Variants in MYOM1 observed in about 807,000 individuals in gnomAD.
MYOM1 encodes myomesin 1.
MYOM1 carries 164 observed loss-of-function variants against 205.3 expected under a neutral mutation model. That is an observed-to-expected ratio of 0.80 (90% CI 0.70 to 0.91). MYOM1 has a LOEUF of 0.91. MYOM1 is among the 40% of genes least tolerant of loss of function. The pLI is 0.00. For synonymous variants in MYOM1, 772 were observed against 789.4 expected, an observed-to-expected ratio of 0.98 and a Z score of 0.37; for missense variants, 2,011 against 2,127.3, an observed-to-expected ratio of 0.95 and a Z score of 1.08.
intron 9 of MYOM1, 65 bp downstream of exon 9, chr18:3,168,752 G>C (rs1443534105): frequency 6.0e-5 from 93 of 1,546,196 alleles, no homozygotes; most frequent in Non-Finnish European, 7.5e-5. Flanking sequence ...CCGATAAACA[G>C]ATCTGCAATC....
intron 33 of MYOM1, among the ~76,000 whole-genome samples, chr18:3,083,507 C>A (rs1441732810): frequency 7.0e-6 from 1 of 141,882 alleles, no homozygotes; most frequent in Non-Finnish European, 1.5e-5. Flanking sequence ...CGGCTCACTG[C>A]AACATCCGCC....
At chr18:3,175,102 C>T (rs553953700) in intron 6 of MYOM1, among the ~76,000 whole-genome samples, 1 of 152,270 alleles carries the variant, frequency 6.6e-6, no homozygotes, top group Non-Finnish European at 1.5e-5. Context: ...AAGGCAAACA[C>T]AGTTGCCCTT....
rs2079659880 is a variant in MYOM1, at chr18:3,119,891, T to G, written c.3096A>C (p.Glu1032Asp). ...PSAVSECFKC[E>D]EWTIAVPGPP... Reference sequence around the variant, plus strand: ...TACCTGGGACGGCGATGGTCCACTCTTCACATTTGAAGCATTCGCTTACTG... The same window carrying G: ...TACCTGGGACGGCGATGGTCCACTCGTCACATTTGAAGCATTCGCTTACTG... The change falls in exon 20 of 38, where the codon GAA (glutamate) becomes GAC (aspartate). Residue 1032 changes from glutamate (E) to aspartate (D), a missense_variant. By Grantham distance (45) the Glu-to-Asp change is conservative (BLOSUM62 2). Coordinates refer to ENST00000356443, the MANE Select transcript of MYOM1 (RefSeq NM_003803.4). 1 of 1,611,124 alleles carries G rather than the reference T, an allele frequency of 6.2e-7. No individual in the cohort carries two copies. Among genetic ancestry groups the G allele is most frequent in the African/African-American group, 1.3e-5 (1 of 74,890 alleles).
At chr18:3,157,194 G>A (rs2080312872) in intron 10 of MYOM1, among the ~76,000 whole-genome samples, 1 of 152,182 alleles carries the variant, frequency 6.6e-6, no homozygotes, top group Admixed American at 6.5e-5. Context: ...ACGATGGCAG[G>A]AATACGCTGT....
chr18:3,229,910 A>G, the MYOM1 span, among the ~76,000 whole-genome samples: 3 of 130,660 alleles, frequency 2.3e-5, no homozygotes, highest in Admixed American at 2.9e-4. Flanking sequence ...CAGGAGGCGG[A>G]GGTTGCAGTG....
At chr18:3,155,855 AAG>A in intron 10 of MYOM1, among the ~76,000 whole-genome samples, 1 of 152,358 alleles carries the variant, frequency 6.6e-6, no homozygotes, top group East Asian at 1.9e-4. Context: ...GTCCCTAGGC[AAG>A]ACACTACCAT....
At chr18:3,074,295 AGT>A (rs2078996185) in intron 36 of MYOM1, among the ~76,000 whole-genome samples, 1 of 152,136 alleles carries the variant, frequency 6.6e-6, no homozygotes, top group Non-Finnish European at 1.5e-5. Context: ...GGAGGGGGAA[AGT>A]GGAGAAGGGA....
rs1321152173 is a variant in MYOM1, at chr18:3,179,910, G to A, written c.930-3776C>T. ...GAAAAGCGCTGTGATACCAACGGCT[G>A]TGACATGTGCTGTTTGACCAAATGA... On this transcript the variant is annotated intron_variant, in intron 5 of 37. Coordinates refer to ENST00000356443, the MANE Select transcript of MYOM1 (RefSeq NM_003803.4). The surrounding 1 kb of genome is among the most constrained non-coding windows in gnomAD (Gnocchi z 4.4). Among the ~76,000 whole-genome samples, 2 of 152,196 alleles carry A rather than the reference G, an allele frequency of 1.3e-5. No homozygotes were observed. The highest frequency in any genetic ancestry group is 2.9e-5 in the Non-Finnish European group (2 of 68,038).
At chr18:3,242,655 C>T in the MYOM1 span, among the ~76,000 whole-genome samples, 12 of 152,166 alleles carry the variant, frequency 7.9e-5, no homozygotes, top group East Asian at 1.9e-4. Flanking sequence ...ATTACAGGCA[C>T]GCACCACCAC....
chr18:3,082,499 C>T (rs1229643976), intron 33 of MYOM1, among the ~76,000 whole-genome samples: 1 of 152,142 alleles, frequency 6.6e-6, no homozygotes, highest in Non-Finnish European at 1.5e-5. Flanking sequence ...CCCATATTGT[C>T]AATGCCACTG....
intron 3 of MYOM1, among the ~76,000 whole-genome samples, chr18:3,193,484 G>T (rs116165894): frequency 1.3e-5 from 2 of 151,724 alleles, no homozygotes; most frequent in Non-Finnish European, 2.9e-5. Flanking sequence ...TCCCATTCCA[G>T]CTAGTTTTAT....
intron 5 of MYOM1, among the ~76,000 whole-genome samples, chr18:3,186,868 A>C (rs11873629): frequency 0.027 from 4,096 of 149,504 alleles, 185 homozygotes; most frequent in African/African-American, 0.098. Context: ...GGAAGGAAGG[A>C]AGGGAGAGAG....
the MYOM1 span, among the ~76,000 whole-genome samples, chr18:3,241,017 A>C: frequency 1.3e-5 from 2 of 152,202 alleles, no homozygotes; most frequent in Non-Finnish European, 2.9e-5. Context: ...TCTAAGCAGC[A>C]AAGAATTTAG....
At chr18:3,206,875 G>T (rs367826664) in intron 2 of MYOM1, among the ~76,000 whole-genome samples, 2 of 152,058 alleles carry the variant, frequency 1.3e-5, no homozygotes, top group African/African-American at 2.4e-5. Context: ...GACAGGTAGC[G>T]TCATAATAAA....
At chr18:3,242,074 C>G in the MYOM1 span, among the ~76,000 whole-genome samples, 2 of 152,148 alleles carry the variant, frequency 1.3e-5, no homozygotes, top group Non-Finnish European at 2.9e-5. Flanking sequence ...AGGGACTTGC[C>G]TTGACTCAGA....
intron 22 of MYOM1, among the ~76,000 whole-genome samples, chr18:3,105,531 T>C (rs1172535588): frequency 6.6e-6 from 1 of 152,096 alleles, no homozygotes; most frequent in Admixed American, 6.6e-5. Context: ...AATGGCCAAA[T>C]TTGGTCCCAA....
chr18:3,153,619 C>G (rs2080251106), intron 11 of MYOM1, among the ~76,000 whole-genome samples: 1 of 152,156 alleles, frequency 6.6e-6, no homozygotes, highest in African/African-American at 2.4e-5. Flanking sequence ...CAATTCATCA[C>G]TACTAAATGA....
rs1054646546 is a variant in MYOM1, at chr18:3,090,566, A to C, written c.4009+92T>G. ...AGAAGTCAATTAAGAAAAAATTCCT[A>C]CTACCTTTCAAATAACAACTTTTGT... On this transcript the variant is annotated intron_variant, in intron 27 of 37. Transcript: ENST00000356443. 3 of 1,505,934 alleles carry C rather than the reference A, an allele frequency of 2.0e-6. No individual in the cohort carries two copies. The Admixed American group carries it at 6.0e-5, about 30-fold the overall frequency. 93.3% of individuals were successfully genotyped at this position (1,505,934 alleles called of 1,614,324 possible). A position where few individuals can be genotyped will look rare whatever the true frequency, so the allele number is the denominator to read the frequency against.
intron 33 of MYOM1, among the ~76,000 whole-genome samples, chr18:3,080,993 A>T (rs1402750696): frequency 1.3e-5 from 2 of 152,004 alleles, no homozygotes; most frequent in Admixed American, 6.6e-5. Context: ...TTAGCCAGGC[A>T]TGGTGGCACA....
Sources: gnomAD v4.1 joint callset for allele counts (sites outside exome capture counted in the v4.1 genomes callset) on GRCh38, gnomAD v4.1.1 for gene constraint, Gnocchi (gnomAD v3.1) non-coding constraint, MANE v1.5 for transcripts, NCBI Gene and HGNC (gene_info 2026-07-23, HGNC 2026-07-21) for gene names.